Variants in SLC24A2 observed in about 807,000 individuals in gnomAD.
The protein encoded by SLC24A2 is sodium/potassium/calcium exchanger 2.
In SLC24A2, 36 loss-of-function variants were observed where a neutral mutation model predicts 62.0. That is an observed-to-expected ratio of 0.58 (90% CI 0.44 to 0.77). The LOEUF (loss-of-function observed/expected upper bound fraction) is 0.77, where lower values mean the gene tolerates loss of function less well. SLC24A2 is among the 30% of genes least tolerant of loss of function. The pLI is 0.00. For missense variants in SLC24A2, 846 were observed against 817.9 expected (o/e 1.03, Z -0.42); for synonymous variants, 358 against 294.0 (o/e 1.22, Z -2.23).
intron 2 of SLC24A2, among the ~76,000 whole-genome samples, chr9:19,675,562 A>C (rs561450927): frequency 6.6e-6 from 1 of 152,174 alleles, no homozygotes; most frequent in Admixed American, 6.5e-5. Context: ...TATGGATCTC[A>C]GGCTAATGGA....
chr9:20,071,602 A>T, the SLC24A2 span, among the ~76,000 whole-genome samples: 1 of 152,108 alleles, frequency 6.6e-6, no homozygotes, highest in Non-Finnish European at 1.5e-5. Flanking sequence ...GTTTCAGGAA[A>T]AACTCTCTCA....
the SLC24A2 span, among the ~76,000 whole-genome samples, chr9:19,955,965 G>T: frequency 1.1e-4 from 16 of 152,160 alleles, no homozygotes; most frequent in Non-Finnish European, 2.4e-4. Flanking sequence ...AGAAAGAATA[G>T]GTAAGCCCAG....
chr9:19,702,440 T>G (rs537956958), intron 2 of SLC24A2, among the ~76,000 whole-genome samples: 21 of 152,324 alleles, frequency 1.4e-4, no homozygotes, highest in African/African-American at 4.8e-4. Flanking sequence ...TCGATACACT[T>G]TGGGGTTCTG....
chr9:19,731,542 T>C (rs1044282818), intron 2 of SLC24A2, among the ~76,000 whole-genome samples: 4 of 150,236 alleles, frequency 2.7e-5, no homozygotes, highest in African/African-American at 9.8e-5. Flanking sequence ...TGTGTGTGTG[T>C]GCATGTGTGC....
chr9:19,531,868 T>C (rs1296644439), intron 8 of SLC24A2, among the ~76,000 whole-genome samples: 1 of 152,148 alleles, frequency 6.6e-6, no homozygotes, highest in East Asian at 1.9e-4. Context: ...CATCTAGTTG[T>C]TTTGAGGACT....
chr9:20,054,331 G>T, the SLC24A2 span, among the ~76,000 whole-genome samples: 4 of 151,822 alleles, frequency 2.6e-5, no homozygotes, highest in African/African-American at 9.7e-5. Context: ...AGCTGGGATT[G>T]CAGGCACCCG....
chr9:20,224,596 G>A, the SLC24A2 span, among the ~76,000 whole-genome samples: 3 of 150,990 alleles, frequency 2.0e-5, no homozygotes, highest in Admixed American at 2.0e-4. Flanking sequence ...GTAAATCCTA[G>A]AATAGTGTTT....
At chr9:19,887,925 T>C in the SLC24A2 span, among the ~76,000 whole-genome samples, 321 of 152,314 alleles carry the variant, frequency 2.1e-3, 6 homozygotes, top group Admixed American at 0.017. Flanking sequence ...CATTGCATGT[T>C]CTCACTCATA....
At chr9:19,660,617 G>C (rs1024497694) in intron 2 of SLC24A2, among the ~76,000 whole-genome samples, 1 of 152,186 alleles carries the variant, frequency 6.6e-6, no homozygotes, top group African/African-American at 2.4e-5. Flanking sequence ...GTGCTTTCCT[G>C]TGCAGTAACA....
chr9:19,545,327 G>A (rs940637306), intron 8 of SLC24A2, among the ~76,000 whole-genome samples: 3 of 151,930 alleles, frequency 2.0e-5, no homozygotes, highest in Non-Finnish European at 2.9e-5. Context: ...AGCAATTCGC[G>A]TAACCTTTTT....
Position 19,789,026 on chromosome 9 carries a change from C to G in SLC24A2, c.-295G>C, listed in dbSNP as rs1349985602. The G allele has an allele frequency of 3.5e-6, 3 of 863,762 alleles. No homozygotes were observed. Among genetic ancestry groups the G allele is most frequent in the Non-Finnish European group, 1.4e-6 (1 of 719,062 alleles). The allele number at this position is 863,762 out of a possible 1,614,324, so 53.5% of individuals were successfully genotyped here. ...CCGCTCTCGCCAGCCGGGCTGGGTT[C>G]GGGAGGAGACTGAGCCGCTGTGAGC... On this transcript the variant is annotated 5_prime_UTR_variant, in exon 1 of 11. Transcript: ENST00000341998.
the SLC24A2 span, among the ~76,000 whole-genome samples, chr9:19,951,624 T>C: frequency 6.6e-6 from 1 of 152,148 alleles, no homozygotes; most frequent in Admixed American, 6.5e-5. Flanking sequence ...CTATCGTTTT[T>C]CCATTGAATT....
chr9:20,258,827 ATCT>A, the SLC24A2 span, among the ~76,000 whole-genome samples: 2 of 140,054 alleles, frequency 1.4e-5, no homozygotes, highest in Non-Finnish European at 3.1e-5. Flanking sequence ...TTATCTATCT[ATCT>A]ATCTGTCTAT....
At chr9:19,728,156 G>A (rs1345344761) in intron 2 of SLC24A2, among the ~76,000 whole-genome samples, 1 of 152,152 alleles carries the variant, frequency 6.6e-6, no homozygotes, top group Non-Finnish European at 1.5e-5. Context: ...TTTACCCAAG[G>A]CTGTGCCCTT....
At chr9:19,914,472 A>G in the SLC24A2 span, among the ~76,000 whole-genome samples, 1 of 152,136 alleles carries the variant, frequency 6.6e-6, no homozygotes, top group Non-Finnish European at 1.5e-5. Flanking sequence ...CTAAACATGT[A>G]GCATTTTCTG....
chr9:19,542,024 T>C (rs1834289769), intron 8 of SLC24A2, among the ~76,000 whole-genome samples: 1 of 152,214 alleles, frequency 6.6e-6, no homozygotes, highest in Non-Finnish European at 1.5e-5. Flanking sequence ...CCCTGACCCT[T>C]GCGCTTCCCA....
chr9:19,540,478 T>C (rs947207599), intron 8 of SLC24A2, among the ~76,000 whole-genome samples: 6 of 151,476 alleles, frequency 4.0e-5, no homozygotes, highest in Non-Finnish European at 7.4e-5. Context: ...TTAGTTTGCC[T>C]GGATATGAAA....
intron 2 of SLC24A2, among the ~76,000 whole-genome samples, chr9:19,733,864 C>G (rs545213630): frequency 1.3e-5 from 2 of 152,174 alleles, no homozygotes; most frequent in Admixed American, 1.3e-4. Flanking sequence ...ACTTTTGAAG[C>G]TTATATTCTA....
At chr9:19,558,820 G>A (rs756773312) in intron 7 of SLC24A2, among the ~76,000 whole-genome samples, 32 of 152,220 alleles carry the variant, frequency 2.1e-4, no homozygotes, top group Non-Finnish European at 4.6e-4. Context: ...TGACAAAGGC[G>A]GCATGTTTTA....
Sources: gnomAD v4.1 joint callset for allele counts (sites outside exome capture counted in the v4.1 genomes callset) on GRCh38, gnomAD v4.1.1 for gene constraint, MANE v1.5 for transcripts, NCBI Gene and HGNC (gene_info 2026-07-23, HGNC 2026-07-21) for gene names.